Variants in GRIN2A observed in about 807,000 individuals in gnomAD.
GRIN2A encodes the protein glutamate ionotropic receptor NMDA type subunit 2A, also known as glutamate receptor ionotropic, NMDA 2A.
In GRIN2A, 22 loss-of-function variants were observed where a neutral mutation model predicts 113.4. The ratio of observed to expected loss-of-function variants is 0.19; its 90% confidence interval spans 0.14 to 0.28. The LOEUF is 0.28. Among genes scored for constraint, GRIN2A ranks in the 10% least tolerant of loss-of-function variants. The pLI, the probability that GRIN2A is intolerant of heterozygous loss-of-function variation, is 1.00. For missense variants in GRIN2A, 1,502 were observed against 1,887.0 expected (o/e 0.80, Z 3.78); for synonymous variants, 827 against 738.4 (o/e 1.12, Z -1.94).
chr16:10,004,678 C>T (rs1429288381), intron 2 of GRIN2A, among the ~76,000 whole-genome samples: 1 of 152,164 alleles, frequency 6.6e-6, no homozygotes, highest in Non-Finnish European at 1.5e-5. Flanking sequence ...ACAGCATTTT[C>T]CTTTGGTCAT....
At chr16:9,971,576 T>A (rs953397599) in intron 2 of GRIN2A, among the ~76,000 whole-genome samples, 1 of 152,218 alleles carries the variant, frequency 6.6e-6, no homozygotes, top group Non-Finnish European at 1.5e-5. Flanking sequence ...AGCAAGAATA[T>A]ATAAGAATGT....
At chr16:9,800,638 A>G (rs1431463867) in intron 10 of GRIN2A, among the ~76,000 whole-genome samples, 1 of 152,026 alleles carries the variant, frequency 6.6e-6, no homozygotes, top group Non-Finnish European at 1.5e-5. Flanking sequence ...GCAAAACTGT[A>G]GGACTTGTCT....
intron 2 of GRIN2A, among the ~76,000 whole-genome samples, chr16:10,127,523 C>A (rs2048965371): frequency 6.6e-6 from 1 of 152,176 alleles, no homozygotes; most frequent in Non-Finnish European, 1.5e-5. Flanking sequence ...GCCAGGCACC[C>A]TTGTGCACCA....
chr16:10,148,481 C>T (rs931810041), intron 2 of GRIN2A, among the ~76,000 whole-genome samples: 2 of 152,218 alleles, frequency 1.3e-5, no homozygotes, highest in African/African-American at 4.8e-5. Context: ...GCTGCACCCA[C>T]AACCCAGGCT....
At chr16:9,938,703 A>G in intron 2 of GRIN2A, 152 bp from the exon 3 acceptor site, 1 of 676,084 alleles carries the variant, frequency 1.5e-6, no homozygotes, top group Non-Finnish European at 2.7e-6. Context: ...TCCAGAACAG[A>G]TCCTGCAAAT....
At chr16:10,086,196 C>G (rs570873055) in intron 2 of GRIN2A, among the ~76,000 whole-genome samples, 1 of 152,148 alleles carries the variant, frequency 6.6e-6, no homozygotes, top group Non-Finnish European at 1.5e-5. Flanking sequence ...TGGAGACTCA[C>G]AGCACCTATG....
intron 3 of GRIN2A, among the ~76,000 whole-genome samples, chr16:9,923,047 C>G (rs4782041): frequency 6.6e-6 from 1 of 151,956 alleles, no homozygotes; most frequent in Non-Finnish European, 1.5e-5. Context: ...TAACTTTGCT[C>G]GTTCTAGCAA....
chr16:10,140,494 T>C (rs1401158472), intron 2 of GRIN2A, among the ~76,000 whole-genome samples: 2 of 152,168 alleles, frequency 1.3e-5, no homozygotes, highest in African/African-American at 4.8e-5. Context: ...AATTTTTCTA[T>C]TATAATTCAA....
chr16:9,892,092 A>G (rs1206102770), intron 3 of GRIN2A, among the ~76,000 whole-genome samples: 1 of 152,102 alleles, frequency 6.6e-6, no homozygotes, highest in African/African-American at 2.4e-5. Flanking sequence ...TTAGCTGGGC[A>G]TGGTGGTGCA....
chr16:9,773,208 TC>T (rs1448913297), intron 11 of GRIN2A, among the ~76,000 whole-genome samples: 2 of 152,182 alleles, frequency 1.3e-5, no homozygotes, highest in Admixed American at 6.5e-5. Context: ...TTTTCTTACA[TC>T]CCCAGGCTTA....
chr16:10,114,798 T>C (rs1447051628), intron 2 of GRIN2A, among the ~76,000 whole-genome samples: 2 of 152,120 alleles, frequency 1.3e-5, no homozygotes, highest in Non-Finnish European at 2.9e-5. Flanking sequence ...ACTGGCAAAA[T>C]AGAGAATTTA....
At chr16:10,181,103 C>T (rs1418911190) in intron 1 of GRIN2A, among the ~76,000 whole-genome samples, 1 of 150,648 alleles carries the variant, frequency 6.6e-6, no homozygotes, top group East Asian at 2.0e-4. Flanking sequence ...TGGGCCCAGG[C>T]TCCGCTGTGC....
chr16:9,900,543 G>A (rs1251053996), intron 3 of GRIN2A, among the ~76,000 whole-genome samples: 1 of 152,178 alleles, frequency 6.6e-6, no homozygotes, highest in East Asian at 1.9e-4. Flanking sequence ...ACTCCACAGA[G>A]CATACCTGAA....
intron 2 of GRIN2A, among the ~76,000 whole-genome samples, chr16:10,125,816 G>A (rs958397873): frequency 6.6e-6 from 1 of 151,936 alleles, no homozygotes; most frequent in African/African-American, 2.4e-5. Context: ...GAGAGCTGGG[G>A]GTAAAGGCTG....
At chr16:10,010,238 A>G (rs1862394592) in intron 2 of GRIN2A, among the ~76,000 whole-genome samples, 1 of 152,218 alleles carries the variant, frequency 6.6e-6, no homozygotes, top group Non-Finnish European at 1.5e-5. Flanking sequence ...ACATATATCT[A>G]GCTTTTACTT....
intron 4 of GRIN2A, among the ~76,000 whole-genome samples, chr16:9,875,958 A>C (rs2043356579): frequency 6.6e-6 from 1 of 152,152 alleles, no homozygotes; most frequent in African/African-American, 2.4e-5. Flanking sequence ...CTACATTATA[A>C]GTTCCCTGTT....
At chr16:10,020,688 G>C (rs372008387) in intron 2 of GRIN2A, among the ~76,000 whole-genome samples, 2 of 152,228 alleles carry the variant, frequency 1.3e-5, no homozygotes, top group East Asian at 3.9e-4. Flanking sequence ...TAATCATGGT[G>C]CCACCTATGA....
intron 2 of GRIN2A, among the ~76,000 whole-genome samples, chr16:10,137,043 C>T (rs1189081981): frequency 6.6e-6 from 1 of 152,210 alleles, no homozygotes; most frequent in East Asian, 1.9e-4. Flanking sequence ...ATCCTGCCTA[C>T]AAGACAACGG....
chr16:9,828,222 G>A (rs919545198), intron 9 of GRIN2A, among the ~76,000 whole-genome samples: 1 of 152,192 alleles, frequency 6.6e-6, no homozygotes, highest in Non-Finnish European at 1.5e-5. Context: ...GGAAACGTGG[G>A]AGCAGGTGAG....
Sources: allele counts gnomAD v4.1 joint callset (sites outside exome capture counted in the v4.1 genomes callset), GRCh38; gene constraint gnomAD v4.1.1; transcripts MANE v1.5; gene names NCBI Gene and HGNC (gene_info 2026-07-23, HGNC 2026-07-21).